The following R3HDM1 variants were observed in gnomAD, a reference collection of about 807,000 sequenced individuals.
The protein encoded by R3HDM1 is R3H domain containing 1.
In R3HDM1, 46 loss-of-function variants were observed where a neutral mutation model predicts 141.1. The ratio of observed to expected loss-of-function variants is 0.33; its 90% CI spans 0.26 to 0.42. The LOEUF is 0.42. R3HDM1 is among the 10% of genes least tolerant of loss of function. The pLI is 1.00. For missense variants in R3HDM1, 1,184 were observed against 1,368.3 expected (o/e 0.87, Z 2.12); for synonymous variants, 435 against 472.9 (o/e 0.92, Z 1.04).
chr2:135,615,797 G>A (rs1010670258), intron 3 of R3HDM1, among the ~76,000 whole-genome samples: 9 of 151,902 alleles, frequency 5.9e-5, no homozygotes, highest in African/African-American at 2.2e-4. Flanking sequence ...CCTTAACCTT[G>A]GCTAAACTAT....
At chr2:135,552,149 A>C (rs1052964629) in intron 1 of R3HDM1, among the ~76,000 whole-genome samples, 2 of 152,172 alleles carry the variant, frequency 1.3e-5, no homozygotes, top group Non-Finnish European at 2.9e-5. Flanking sequence ...GCATACCTAC[A>C]TCTCTTTTAA....
chr2:135,557,047 GA>G (rs1044462228), intron 1 of R3HDM1, among the ~76,000 whole-genome samples: 1 of 152,012 alleles, frequency 6.6e-6, no homozygotes, highest in Non-Finnish European at 1.5e-5. Flanking sequence ...GCTCTTTAAA[GA>G]TTGAAGAGCA....
At chr2:135,552,978 A>T (rs985202743) in intron 1 of R3HDM1, among the ~76,000 whole-genome samples, 1 of 151,980 alleles carries the variant, frequency 6.6e-6, no homozygotes, top group Non-Finnish European at 1.5e-5. Flanking sequence ...TCTTGGGCTC[A>T]AGCGATCCAC....
rs74265485 is a variant in R3HDM1 at position 135,696,208 on chromosome 2, A to C, written c.2460-13225A>C. On this transcript the variant is annotated intron_variant, in intron 21 of 26. Transcript: ENST00000683871. The stretch of plus-strand genomic sequence containing the variant: ...ATGAATCTCATAATTATCCTGAGCG[A>C]AAAAAGAAAAAGGCCAAAAAATATA... Among the ~76,000 whole-genome samples the C allele has an allele frequency of 0.011, 1,618 of 152,330 alleles. 101 individuals are homozygous for C. In the East Asian group the frequency reaches 0.19, roughly 18 times the overall value.
intron 20 of R3HDM1, 92 bp from the exon 21 acceptor site, chr2:135,680,080 GA>G: frequency 2.3e-6 from 3 of 1,319,166 alleles, no homozygotes; most frequent in South Asian, 1.4e-5. Context: ...AATTCATCTC[GA>G]AAAAAATAAA....
chr2:135,687,055 C>T (rs918880002), intron 21 of R3HDM1, among the ~76,000 whole-genome samples: 10 of 151,990 alleles, frequency 6.6e-5, no homozygotes, highest in African/African-American at 2.2e-4. Flanking sequence ...AAAAACTAGC[C>T]GGGCATGGTG....
intron 1 of R3HDM1, among the ~76,000 whole-genome samples, chr2:135,591,371 GAATTTTGAAAGC>G (rs1709235284): frequency 6.6e-6 from 1 of 152,114 alleles, no homozygotes; most frequent in South Asian, 2.1e-4. Context: ...AAGCGAAATC[GAATTTTGAAAGC>G]ATGAAGAAAA....
chr2:135,531,587 C>T lies in R3HDM1; in HGVS notation c.-296C>T. On this transcript the variant is annotated 5_prime_UTR_variant, in exon 1 of 27. Transcript: ENST00000683871. ...TTGCACCCACCCAGCCCCGCCGTCG[C>T]CCCGCCGCGCCGCGCTCCAACCGCC... 2 of 986,776 alleles carry T rather than the reference C, an allele frequency of 2.0e-6. No individual in the cohort carries two copies. The highest frequency in any genetic ancestry group is 2.4e-6 in the Non-Finnish European group (2 of 830,652). 61.1% of individuals were successfully genotyped at this position (986,776 alleles called of 1,614,324 possible).
rs1009081629 is a variant in R3HDM1 at position 135,531,557 on chromosome 2, C to T, written c.-326C>T. On this transcript the variant is annotated 5_prime_UTR_variant, in exon 1 of 27. Coordinates refer to ENST00000683871, the MANE Select transcript of R3HDM1 (RefSeq NM_001378107.1). ...GGGGTTAATTCCCTTTCGTAAGACT[C>T]TTACTTGCACCCACCCAGCCCCGCC... The T allele has an allele frequency of 8.5e-5, 84 of 985,830 alleles. No homozygotes were observed. The highest frequency in any genetic ancestry group is 9.8e-5 in the Non-Finnish European group (81 of 830,074). 61.1% of individuals were successfully genotyped at this position (985,830 alleles called of 1,614,324 possible).
chr2:135,686,961 G>A (rs561306777), intron 21 of R3HDM1, among the ~76,000 whole-genome samples: 3 of 152,298 alleles, frequency 2.0e-5, no homozygotes, highest in East Asian at 3.9e-4. Context: ...CACTTTGGGA[G>A]GCCAAGGCAG....
intron 19 of R3HDM1, among the ~76,000 whole-genome samples, chr2:135,672,133 G>A (rs1160712742): frequency 6.6e-6 from 1 of 152,142 alleles, no homozygotes; most frequent in Non-Finnish European, 1.5e-5. Flanking sequence ...TTTTTTAAGT[G>A]CTTGGCATCA....
At chr2:135,681,972 G>C (rs1442672828) in intron 21 of R3HDM1, among the ~76,000 whole-genome samples, 2 of 150,854 alleles carry the variant, frequency 1.3e-5, no homozygotes, top group South Asian at 2.1e-4. Flanking sequence ...TATGTACTTG[G>C]TTAAATTTCG....
chr2:135,594,672 T>A (rs1466762774), intron 1 of R3HDM1, among the ~76,000 whole-genome samples: 1 of 152,204 alleles, frequency 6.6e-6, no homozygotes, highest in Admixed American at 6.5e-5. Context: ...CCTGCCACAT[T>A]CCCTTCAGTA....
rs371620854 is a variant in R3HDM1 at position 135,579,595 on chromosome 2, C to CGGGG, written c.-249-22899_-249-22896dup. Among the ~76,000 whole-genome samples, 382 of 86,402 alleles carry CGGGG rather than the reference C, an allele frequency of 4.4e-3. 2 individuals are homozygous for CGGGG. Among genetic ancestry groups the CGGGG allele is most frequent in the African/African-American group, 0.021 (359 of 16,896 alleles). The allele number at this position is 86,402 out of a possible 152,430, so 56.7% of individuals were successfully genotyped here. ...GAGAAAAATGGTAACTATGGGGTGG[C>CGGGG]GGGGGGGGGTGGAAATGGCAGATAC... On this transcript the variant is annotated intron_variant, in intron 1 of 26. Coordinates refer to ENST00000683871, the MANE Select transcript of R3HDM1 (RefSeq NM_001378107.1).
At position 135,705,989 on chromosome 2, in the gene R3HDM1, C is replaced by T. The variant is rs183657798; in HGVS notation, c.2460-3444C>T. 5.9e-4 allele frequency among the ~76,000 whole-genome samples: 90 copies of T among 152,012 alleles called. No individual in the cohort carries two copies. The East Asian group carries it at 0.015, about 25-fold the overall frequency. The stretch of plus-strand genomic sequence containing the variant: ...CTAAAAATACAAAAAATTAGCCGGG[C>T]GTGGTGGCGGGCACCTGTAGTCCCA... On this transcript the variant is annotated intron_variant, in intron 21 of 26. Coordinates refer to ENST00000683871, the MANE Select transcript of R3HDM1 (RefSeq NM_001378107.1).
chr2:135,614,528 A>T (rs908259465), intron 3 of R3HDM1, among the ~76,000 whole-genome samples: 2 of 152,250 alleles, frequency 1.3e-5, no homozygotes, highest in Non-Finnish European at 1.5e-5. Flanking sequence ...TTTTAGACAG[A>T]TAAAAGTAAA....
At chr2:135,633,365 G>A (rs954777407) in intron 9 of R3HDM1, among the ~76,000 whole-genome samples, 1 of 152,076 alleles carries the variant, frequency 6.6e-6, no homozygotes, top group African/African-American at 2.4e-5. Flanking sequence ...ATATACATTA[G>A]CAGGCATTTT....
chr2:135,602,487 GT>G lies in R3HDM1; in HGVS notation c.-249-9del. The G allele has an allele frequency of 1.6e-6, 2 of 1,263,940 alleles. No individual in the cohort carries two copies. Among genetic ancestry groups the G allele is most frequent in the South Asian group, 7.0e-5 (2 of 28,652 alleles). 78.3% of individuals were successfully genotyped at this position (1,263,940 alleles called of 1,614,324 possible). A position where few individuals can be genotyped will look rare whatever the true frequency, so the allele number is the denominator to read the frequency against. On this transcript the variant is annotated splice_polypyrimidine_tract_variant and intron_variant, in intron 1 of 26. Transcript: ENST00000683871. ...CCATTTTGTTAAAATGGTTTCTTTT[GT>G]TTTCATTTTAGGCCACGGAAAGGTA... is the stretch of plus-strand genomic sequence containing the variant.
At chr2:135,718,489 G>A (rs1314752547) in intron 24 of R3HDM1, among the ~76,000 whole-genome samples, 1 of 151,408 alleles carries the variant, frequency 6.6e-6, no homozygotes, top group Non-Finnish European at 1.5e-5. Flanking sequence ...TTTGTTTGTT[G>A]TTGTTTGTTT....
Sources: gnomAD v4.1 joint callset for allele counts (sites outside exome capture counted in the v4.1 genomes callset) on GRCh38, gnomAD v4.1.1 for gene constraint, MANE v1.5 for transcripts, NCBI Gene and HGNC (gene_info 2026-07-23, HGNC 2026-07-21) for gene names.